Variants in KANSL1 observed in about 807,000 individuals in gnomAD.
The protein encoded by KANSL1 is KAT8 regulatory NSL complex subunit 1, also known as MLL1/MLL complex subunit KANSL1.
In KANSL1, 22 loss-of-function variants were observed where a neutral mutation model predicts 103.6. That is an observed-to-expected ratio of 0.21 (90% confidence interval 0.15 to 0.30). The LOEUF (loss-of-function observed/expected upper bound fraction) is 0.30, where lower values mean the gene tolerates loss of function less well. KANSL1 is among the 10% of genes least tolerant of loss of function. The pLI is 1.00. For missense variants in KANSL1, 1,337 were observed against 1,399.8 expected (o/e 0.96, Z 0.72); for synonymous variants, 600 against 527.6 (o/e 1.14, Z -1.88).
At chr17:46,211,174 G>C (rs558067407) in intron 1 of KANSL1, among the ~76,000 whole-genome samples, 1 of 139,460 alleles carries the variant, frequency 7.2e-6, no homozygotes, top group African/African-American at 2.6e-5. Flanking sequence ...AGTCAAAAAA[G>C]GAATTTTTGA....
At chr17:46,201,886 A>G (rs1918787) in intron 1 of KANSL1, among the ~76,000 whole-genome samples, 21,945 of 152,176 alleles carry the variant, frequency 0.14, 2,136 homozygotes, top group Non-Finnish European at 0.22. Context: ...ATGCACCTGT[A>G]GTCCCAGCTA....
chr17:46,038,206 C>T (rs80040045), intron 10 of KANSL1: 4,751 of 264,424 alleles, frequency 0.018, 235 homozygotes, highest in African/African-American at 0.098. Context: ...ATTAGGGCCA[C>T]GGAACTGTTG....
Position 46,031,049 on chromosome 17 carries a change from G to GA in KANSL1, c.*426dup, listed in dbSNP as rs2076992853. 1 of 167,374 alleles carries GA rather than the reference G, an allele frequency of 6.0e-6. No homozygotes were observed. Among genetic ancestry groups the GA allele is most frequent in the African/African-American group, 2.4e-5 (1 of 42,062 alleles). 10.4% of individuals were successfully genotyped at this position (167,374 alleles called of 1,614,324 possible). On this transcript the variant is annotated 3_prime_UTR_variant, in exon 15 of 15. Coordinates refer to ENST00000432791, the MANE Select transcript of KANSL1 (RefSeq NM_015443.4). ...CAGAGCCAAGCCACAGATGGGAGGG[G>GA]AGGGGGTAAGAGTCCAGAGCACCCT...
intron 2 of KANSL1, among the ~76,000 whole-genome samples, chr17:46,143,115 A>G (rs1212577612): frequency 1.3e-5 from 2 of 152,268 alleles, no homozygotes; most frequent in Non-Finnish European, 2.9e-5. Flanking sequence ...TACTCAAACT[A>G]AGAAGTCCTC....
chr17:46,163,963 T>C (rs2045873919), intron 2 of KANSL1, among the ~76,000 whole-genome samples: 1 of 152,228 alleles, frequency 6.6e-6, no homozygotes, highest in South Asian at 2.1e-4. Flanking sequence ...AAAAGAAAAC[T>C]GTCTATCAAA....
intron 2 of KANSL1, among the ~76,000 whole-genome samples, chr17:46,101,754 C>CAAAAAA (rs372439614): frequency 6.8e-4 from 64 of 93,636 alleles, no homozygotes; most frequent in South Asian, 1.4e-3. Context: ...ACTCTGTCTA[C>CAAAAAA]AAAAAAAAAA....
chr17:46,201,639 A>G (rs1434976333), intron 1 of KANSL1, among the ~76,000 whole-genome samples: 1 of 152,102 alleles, frequency 6.6e-6, no homozygotes, highest in African/African-American at 2.4e-5. Flanking sequence ...TGGGAGACCA[A>G]GATGGGAGGA....
intron 2 of KANSL1, among the ~76,000 whole-genome samples, chr17:46,164,362 A>T (rs2045894910): frequency 6.6e-6 from 1 of 152,268 alleles, no homozygotes; most frequent in Non-Finnish European, 1.5e-5. Flanking sequence ...TTCTCAGGAA[A>T]AAAATGAGAA....
At chr17:46,136,536 C>A (rs533358175) in intron 2 of KANSL1, among the ~76,000 whole-genome samples, 1 of 152,214 alleles carries the variant, frequency 6.6e-6, no homozygotes, top group Non-Finnish European at 1.5e-5. Flanking sequence ...ACTTCCTCAA[C>A]GGTAACATAC....
chr17:46,094,916 G>A (rs528956458), intron 2 of KANSL1, among the ~76,000 whole-genome samples: 3 of 152,322 alleles, frequency 2.0e-5, no homozygotes, highest in South Asian at 2.1e-4. Context: ...GTGGAACTGC[G>A]TTCTAGCATC....
intron 1 of KANSL1, among the ~76,000 whole-genome samples, chr17:46,219,597 G>C (rs933619506): frequency 9.2e-5 from 14 of 152,238 alleles, no homozygotes; most frequent in African/African-American, 9.6e-5. Context: ...AAACTCGTGT[G>C]CTCCAGCGAT....
intron 2 of KANSL1, among the ~76,000 whole-genome samples, chr17:46,115,691 A>T (rs1438974393): frequency 6.6e-6 from 1 of 152,250 alleles, no homozygotes; most frequent in Non-Finnish European, 1.5e-5. Context: ...TCTACTCAAA[A>T]AGTATGCTTA....
At chr17:46,193,858 G>C (rs995853840), upstream of KANSL1, 4 of 164,840 alleles carry the variant, frequency 2.4e-5, no homozygotes, top group African/African-American at 9.6e-5. Flanking sequence ...CGTGAGCGAG[G>C]AACTGTTTGC....
intron 1 of KANSL1, among the ~76,000 whole-genome samples, chr17:46,217,646 T>TG (rs1219105689): frequency 6.6e-6 from 1 of 152,058 alleles, no homozygotes; most frequent in Non-Finnish European, 1.5e-5. Context: ...CCCAGCACTT[T>TG]GGGAGGCTGA....
intron 1 of KANSL1, among the ~76,000 whole-genome samples, chr17:46,186,261 T>C (rs1004540296): frequency 5.3e-5 from 8 of 150,848 alleles, no homozygotes; most frequent in African/African-American, 2.0e-4. Context: ...CGGGCACCTG[T>C]AGTTCCAGCT....
At chr17:46,141,613 G>A (rs1339965758) in intron 2 of KANSL1, among the ~76,000 whole-genome samples, 3 of 152,100 alleles carry the variant, frequency 2.0e-5, no homozygotes, top group Non-Finnish European at 2.9e-5. Context: ...CTCATAAAAG[G>A]AATTAAAAAG....
At chr17:46,093,505 C>A (rs568038759) in intron 3 of KANSL1, 4 of 152,570 alleles carry the variant, frequency 2.6e-5, no homozygotes, top group African/African-American at 9.6e-5. Context: ...ATATATGTAT[C>A]TCCAATCTGG....
chr17:46,104,655 T>C (rs2042455371), intron 2 of KANSL1, among the ~76,000 whole-genome samples: 1 of 152,216 alleles, frequency 6.6e-6, no homozygotes. Context: ...AATTCTCAAA[T>C]GTTTATATTT....
At chr17:46,093,184 CTG>C (rs1308967392) in intron 3 of KANSL1, 3 of 152,176 alleles carry the variant, frequency 2.0e-5, no homozygotes, top group Non-Finnish European at 2.9e-5. Context: ...TAGAGAAAGA[CTG>C]TGTTTTTCTC....
Sources: allele counts gnomAD v4.1 joint callset (sites outside exome capture counted in the v4.1 genomes callset), GRCh38; gene constraint gnomAD v4.1.1; transcripts MANE v1.5; gene names NCBI Gene and HGNC (gene_info 2026-07-23, HGNC 2026-07-21).